The following GABRB2 variants were observed in gnomAD, a reference collection of about 807,000 sequenced individuals.
GABRB2 encodes the protein gamma-aminobutyric acid receptor subunit beta-2.
In GABRB2, 16 loss-of-function variants were observed where a neutral mutation model predicts 54.7. The ratio of observed to expected loss-of-function variants is 0.29; its 90% CI spans 0.20 to 0.44. The LOEUF is 0.44. Ranked by LOEUF, GABRB2 falls within the 20% of genes least tolerant of loss-of-function variation. GABRB2 has a pLI of 1.00. For synonymous variants in GABRB2, 244 were observed against 233.8 expected (o/e 1.04, Z -0.40); for missense variants, 355 against 644.0 (o/e 0.55, Z 4.86).
intron 4 of GABRB2, among the ~76,000 whole-genome samples, chr5:161,443,078 A>T (rs1005086055): frequency 3.3e-5 from 5 of 152,046 alleles, no homozygotes; most frequent in Non-Finnish European, 7.4e-5. Flanking sequence ...CAATAACTGG[A>T]TAGCACCTAG....
At chr5:161,445,115 A>T (rs1757579353) in intron 4 of GABRB2, among the ~76,000 whole-genome samples, 1 of 152,170 alleles carries the variant, frequency 6.6e-6, no homozygotes, top group Non-Finnish European at 1.5e-5. Flanking sequence ...GCACTCCTCA[A>T]GATGCTGGGG....
chr5:161,479,714 T>C (rs554592015), intron 3 of GABRB2, among the ~76,000 whole-genome samples: 20 of 151,612 alleles, frequency 1.3e-4, no homozygotes, highest in African/African-American at 4.8e-4. Flanking sequence ...TTCAGCCTCC[T>C]GAGTAGCTGG....
chr5:161,405,406 T>A (rs574981212), intron 5 of GABRB2, among the ~76,000 whole-genome samples: 3 of 152,112 alleles, frequency 2.0e-5, no homozygotes, highest in Non-Finnish European at 4.4e-5. Flanking sequence ...GTACCAAGCA[T>A]TGCACAAAGA....
rs1757300756 is a variant in GABRB2, at chr5:161,293,842, C to T, written c.*239G>A. On this transcript the variant is annotated 3_prime_UTR_variant, in exon 10 of 10. Coordinates refer to ENST00000393959, the MANE Select transcript of GABRB2 (RefSeq NM_001371727.1). ...AGACAACATGGAGCACTCAGGCTGT[C>T]TAGCCACCATGTGTAAAAATCACTT... The T allele has an allele frequency of 3.9e-6, 2 of 510,020 alleles. No homozygotes were observed. The highest frequency in any genetic ancestry group is 3.4e-5 in the Admixed American group (1 of 29,598). 31.6% of individuals were successfully genotyped at this position (510,020 alleles called of 1,614,324 possible). A position where few individuals can be genotyped will look rare whatever the true frequency, so the allele number is the denominator to read the frequency against.
intron 9 of GABRB2, among the ~76,000 whole-genome samples, chr5:161,313,922 A>G (rs973872162): frequency 6.6e-6 from 1 of 152,210 alleles, no homozygotes; most frequent in Non-Finnish European, 1.5e-5. Context: ...TTGGTCTCCA[A>G]GAGGATTAGT....
intron 5 of GABRB2, among the ~76,000 whole-genome samples, chr5:161,378,258 G>A (rs1755367074): frequency 6.6e-6 from 1 of 152,070 alleles, no homozygotes; most frequent in Non-Finnish European, 1.5e-5. Flanking sequence ...ACTTAAGAAG[G>A]CTAAATTATG....
At chr5:161,301,990 T>A (rs576285904) in intron 9 of GABRB2, among the ~76,000 whole-genome samples, 11 of 152,354 alleles carry the variant, frequency 7.2e-5, no homozygotes, top group African/African-American at 2.6e-4. Context: ...ATTATTGTGC[T>A]TATCAATCAA....
chr5:161,510,372 G>A (rs1759732039), intron 3 of GABRB2, among the ~76,000 whole-genome samples: 1 of 151,384 alleles, frequency 6.6e-6, no homozygotes, highest in South Asian at 2.1e-4. Context: ...TTCTACGCCT[G>A]GCTTATTTTA....
intron 5 of GABRB2, among the ~76,000 whole-genome samples, chr5:161,408,281 G>C (rs771601254): frequency 1.1e-4 from 16 of 151,940 alleles, no homozygotes; most frequent in Non-Finnish European, 2.4e-4. Flanking sequence ...CAAATATATT[G>C]CAAATATTCT....
chr5:161,384,751 C>A (rs2113489682), intron 5 of GABRB2, among the ~76,000 whole-genome samples: 1 of 152,208 alleles, frequency 6.6e-6, no homozygotes, highest in South Asian at 2.1e-4. Flanking sequence ...TTATCCAATA[C>A]TTACTCTAAG....
At chr5:161,504,756 TA>T (rs554554929) in intron 3 of GABRB2, among the ~76,000 whole-genome samples, 103 of 132,152 alleles carry the variant, frequency 7.8e-4, no homozygotes, top group African/African-American at 2.1e-3. Flanking sequence ...TATCTGGAAT[TA>T]AAAAAAAAAG....
At chr5:161,466,858 G>C (rs1008998944) in intron 3 of GABRB2, among the ~76,000 whole-genome samples, 1 of 151,922 alleles carries the variant, frequency 6.6e-6, no homozygotes, top group Non-Finnish European at 1.5e-5. Flanking sequence ...ATTATCTATG[G>C]AGTTTTTCCT....
intron 4 of GABRB2, among the ~76,000 whole-genome samples, chr5:161,416,541 C>A: frequency 6.7e-6 from 1 of 149,214 alleles, no homozygotes; most frequent in African/African-American, 2.5e-5. Context: ...AATTATTCCA[C>A]GAGAAAAAAA....
At chr5:161,440,102 C>T (rs1202185357) in intron 4 of GABRB2, among the ~76,000 whole-genome samples, 1 of 131,976 alleles carries the variant, frequency 7.6e-6, no homozygotes, top group African/African-American at 2.8e-5. Flanking sequence ...CACATATACA[C>T]AAAAAATAAA....
intron 5 of GABRB2, among the ~76,000 whole-genome samples, chr5:161,369,895 A>G (rs112701955): frequency 0.01 from 1,586 of 152,248 alleles, 34 homozygotes; most frequent in South Asian, 0.052. Context: ...ATGTTAAGGA[A>G]GTTTCCCTGA....
At chr5:161,410,883 G>A in intron 5 of GABRB2, 92 bp downstream of exon 5, 2 of 907,012 alleles carry the variant, frequency 2.2e-6, no homozygotes, top group Non-Finnish European at 3.5e-6. Context: ...CCTTTGCAGG[G>A]CCTGTGGTCT....
intron 5 of GABRB2, among the ~76,000 whole-genome samples, chr5:161,395,805 T>C (rs1561635499): frequency 6.6e-6 from 1 of 152,114 alleles, no homozygotes; most frequent in Admixed American, 6.6e-5. Flanking sequence ...TAGAGAATGA[T>C]TGGGCTGAAG....
intron 5 of GABRB2, among the ~76,000 whole-genome samples, chr5:161,369,412 T>C (rs1755066811): frequency 6.6e-6 from 1 of 152,134 alleles, no homozygotes; most frequent in African/African-American, 2.4e-5. Flanking sequence ...TTCTCAAACA[T>C]ATGAGTGAAT....
intron 3 of GABRB2, among the ~76,000 whole-genome samples, chr5:161,493,016 A>G (rs1759127563): frequency 6.6e-6 from 1 of 151,800 alleles, no homozygotes; most frequent in African/African-American, 2.4e-5. Context: ...CACTAATGCC[A>G]GCATTTCTGA....
Sources: allele counts gnomAD v4.1 joint callset (sites outside exome capture counted in the v4.1 genomes callset), GRCh38; gene constraint gnomAD v4.1.1; transcripts MANE v1.5; gene names NCBI Gene and HGNC (gene_info 2026-07-23, HGNC 2026-07-21).